HTT: variants seen among roughly 807,000 people sequenced by gnomAD.
HTT encodes the protein huntingtin.
Under a neutral mutation model 362.3 loss-of-function variants are expected in HTT, and 104 were observed. The observed-to-expected ratio is 0.29, with a 90% CI of 0.24 to 0.34. HTT has a LOEUF of 0.34. HTT is among the 10% of genes least tolerant of loss of function. The pLI is 1.00. For synonymous variants in HTT, 1,577 were observed against 1,548.7 expected (o/e 1.02, Z -0.43); for missense variants, 3,301 against 3,928.6 (o/e 0.84, Z 4.27).
chr4:3,201,612 A>G (rs1345916736), intron 41 of HTT, among the ~76,000 whole-genome samples: 1 of 151,964 alleles, frequency 6.6e-6, no homozygotes, highest in Non-Finnish European at 1.5e-5. Flanking sequence ...TCGTTCTTTA[A>G]TGGTAATGTA....
intron 29 of HTT, among the ~76,000 whole-genome samples, chr4:3,162,364 C>G (rs1167020030): frequency 6.6e-6 from 1 of 152,190 alleles, no homozygotes; most frequent in Non-Finnish European, 1.5e-5. Flanking sequence ...TGTGATGCCT[C>G]CAGCTTTGTT....
At chr4:3,213,599 C>A (rs779315903) in intron 49 of HTT, among the ~76,000 whole-genome samples, 1 of 152,226 alleles carries the variant, frequency 6.6e-6, no homozygotes, top group Non-Finnish European at 1.5e-5. Context: ...AGAACCCACG[C>A]TCTCAAATTC....
chr4:3,114,392 G>A (rs1308752558), intron 6 of HTT, among the ~76,000 whole-genome samples: 1 of 152,262 alleles, frequency 6.6e-6, no homozygotes, highest in African/African-American at 2.4e-5. Flanking sequence ...ATTTTGGGGG[G>A]CCTGCTCCCA....
intron 54 of HTT, among the ~76,000 whole-genome samples, chr4:3,222,994 A>G (rs759809440): frequency 6.6e-6 from 1 of 152,212 alleles, no homozygotes; most frequent in Non-Finnish European, 1.5e-5. Context: ...ATTCTGATAG[A>G]AGGTGTGGTT....
intron 1 of HTT, among the ~76,000 whole-genome samples, chr4:3,078,849 C>T (rs915508521): frequency 6.6e-6 from 1 of 152,138 alleles, no homozygotes; most frequent in Non-Finnish European, 1.5e-5. Flanking sequence ...ATTCTCCTGC[C>T]TCAGTCTCCC....
rs145351490 is a variant in HTT, at chr4:3,132,726, G to A, written c.2395+6G>A. ...CACCATTAGAACCCTCACAGGTAAC[G>A]GCCAGTTTTTCAGCTGTGTTTTTTC... On this transcript the variant is annotated splice_donor_region_variant and intron_variant, in intron 17 of 66. Coordinates refer to ENST00000355072, the MANE Select transcript of HTT (RefSeq NM_001388492.1). The A allele has an allele frequency of 3.9e-4, 633 of 1,614,080 alleles. 3 individuals are homozygous for A. In the African/African-American group the frequency reaches 7.8e-3, roughly 20 times the overall value.
rs926617063 is a variant in HTT at position 3,243,470 on chromosome 4, G to T, written c.*3411G>T. On this transcript the variant is annotated 3_prime_UTR_variant, in exon 67 of 67. Transcript: ENST00000355072. ...GAGAGCTCAGGATGGCTCAGACGAGGACACTCGCTTGCCGGGCCTGGGCCT... is the reference window on the plus strand; with the variant it reads ...GAGAGCTCAGGATGGCTCAGACGAGTACACTCGCTTGCCGGGCCTGGGCCT... The T allele has an allele frequency of 1.6e-4, 24 of 152,392 alleles. No individual in the cohort carries two copies. Among genetic ancestry groups the T allele is most frequent in the African/African-American group, 5.8e-4 (24 of 41,484 alleles). 9.4% of individuals were successfully genotyped at this position (152,392 alleles called of 1,614,324 possible).
intron 37 of HTT, among the ~76,000 whole-genome samples, chr4:3,182,961 A>C (rs999358032): frequency 2.0e-5 from 3 of 151,840 alleles, no homozygotes; most frequent in Non-Finnish European, 4.4e-5. Flanking sequence ...CACTGCAACA[A>C]CCTCTGCCTC....
intron 26 of HTT, among the ~76,000 whole-genome samples, chr4:3,151,923 A>T (rs984521891): frequency 6.6e-6 from 1 of 152,030 alleles, no homozygotes; most frequent in African/African-American, 2.4e-5. Context: ...AGCATTTTTT[A>T]AAAAATTTAA....
Position 3,138,908 on chromosome 4 carries a change from C to T in HTT, c.2799-1602C>T, listed in dbSNP as rs1476784301. 4.6e-5 allele frequency among the ~76,000 whole-genome samples: 7 copies of T among 152,098 alleles called. No individual in the cohort carries two copies. The East Asian group carries it at 5.8e-4, about 13-fold the overall frequency. Reference sequence around the variant, plus strand: ...GATTACAGGCGTGAGCTACCACACCCGGCTGATATTTCTTTTTAAAATAAC... The same window carrying T: ...GATTACAGGCGTGAGCTACCACACCTGGCTGATATTTCTTTTTAAAATAAC... On this transcript the variant is annotated intron_variant, in intron 21 of 66. Transcript: ENST00000355072.
rs767828163 is a variant in HTT at position 3,189,136 on chromosome 4, A to G, written c.5368+43A>G. ...GTCTTCCTGGAGTGTCTCGTTCCCCATTCTGCACTATACACTCTCAGAGTG... is the reference window on the plus strand; with the variant it reads ...GTCTTCCTGGAGTGTCTCGTTCCCCGTTCTGCACTATACACTCTCAGAGTG... On this transcript the variant is annotated intron_variant, in intron 40 of 66. Coordinates refer to ENST00000355072, the MANE Select transcript of HTT (RefSeq NM_001388492.1). 36 of 1,594,486 alleles carry G rather than the reference A, an allele frequency of 2.3e-5. No individual in the cohort carries two copies. In the African/African-American group the frequency reaches 4.4e-4, roughly 20 times the overall value.
At chr4:3,094,644 GA>G (rs539002350) in intron 2 of HTT, among the ~76,000 whole-genome samples, 9,967 of 140,506 alleles carry the variant, frequency 0.071, 807 homozygotes, top group African/African-American at 0.18. Flanking sequence ...CCACCTCCCG[GA>G]CGGGGCGGGT....
chr4:3,160,175 C>T lies in HTT; in HGVS notation c.3754-107C>T, dbSNP rs1717367087. ...CCTGCAAGGTGAGTGTACGGCGCCG[C>T]ACAGTGGAGGCATCTGCTGCAGCCG... On this transcript the variant is annotated intron_variant, in intron 28 of 66. Coordinates refer to ENST00000355072, the MANE Select transcript of HTT (RefSeq NM_001388492.1). 3 of 729,048 alleles carry T rather than the reference C, an allele frequency of 4.1e-6. No individual in the cohort carries two copies. In the African/African-American group the frequency reaches 5.2e-5, roughly 13 times the overall value. 45.2% of individuals were successfully genotyped at this position (729,048 alleles called of 1,614,324 possible). A position where few individuals can be genotyped will look rare whatever the true frequency, so the allele number is the denominator to read the frequency against.
At chr4:3,190,753 A>G (rs771269432) in intron 40 of HTT, among the ~76,000 whole-genome samples, 6 of 152,204 alleles carry the variant, frequency 3.9e-5, no homozygotes, top group Admixed American at 1.3e-4. Context: ...CCAGCTGTGC[A>G]GCAAGCATGG....
intron 66 of HTT, among the ~76,000 whole-genome samples, 161 bp from the exon 67 acceptor site, chr4:3,239,685 G>C (rs1721716450): frequency 6.6e-6 from 1 of 152,204 alleles, no homozygotes; most frequent in African/African-American, 2.4e-5. Flanking sequence ...TGGAGGCGCT[G>C]ATGCAGCTGG....
chr4:3,134,436 T>C lies in HTT; in HGVS notation c.2529T>C (p.Ser843=). ...CVMSLCSSSY[S]ELGLQLIIDV... ...TGAGTCTCTGCAGCAGCAGCTACAG[T>C]GAGTTAGGACTGCAGCTGATCATCG... is the stretch of plus-strand genomic sequence containing the variant. The change falls in exon 19 of 67, where the codon AGT becomes AGC. Residue 843 remains serine, a synonymous_variant. Transcript: ENST00000355072. 1 of 1,614,012 alleles carries C rather than the reference T, an allele frequency of 6.2e-7. No individual in the cohort carries two copies. Among genetic ancestry groups the C allele is most frequent in the East Asian group, 2.2e-5 (1 of 44,870 alleles).
chr4:3,150,292 C>T (rs1272198665), intron 26 of HTT, among the ~76,000 whole-genome samples: 2 of 152,130 alleles, frequency 1.3e-5, no homozygotes, highest in East Asian at 3.9e-4. Context: ...GAACTGAACC[C>T]CGATTCGGTT....
At chr4:3,094,260 A>G (rs368118928) in intron 2 of HTT, among the ~76,000 whole-genome samples, 3 of 152,122 alleles carry the variant, frequency 2.0e-5, no homozygotes, top group South Asian at 4.1e-4. Context: ...ACAGCATCCC[A>G]AGGCAGAAGA....
intron 51 of HTT, 37 bp from the exon 52 acceptor site, chr4:3,217,728 T>C: frequency 2.5e-6 from 4 of 1,571,576 alleles, no homozygotes; most frequent in Non-Finnish European, 3.5e-6. Context: ...TAGGATGTGT[T>C]TTTTAAAAAG....
Sources: gnomAD v4.1 joint callset for allele counts (sites outside exome capture counted in the v4.1 genomes callset) on GRCh38, gnomAD v4.1.1 for gene constraint, MANE v1.5 for transcripts, NCBI Gene and HGNC (gene_info 2026-07-23, HGNC 2026-07-21) for gene names.